Variants in RASSF7 observed in about 807,000 individuals in gnomAD.
RASSF7 encodes Ras association domain family member 7, also known as ras association domain-containing protein 7.
Under a neutral mutation model 33.8 loss-of-function variants are expected in RASSF7, and 41 were observed. The ratio of observed to expected loss-of-function variants is 1.21; its 90% CI spans 0.95 to 1.57. The LOEUF (loss-of-function observed/expected upper bound fraction) is 1.57, where lower values mean the gene tolerates loss of function less well. RASSF7 is among the 40% of genes most tolerant of loss of function. The pLI is 0.00. For missense variants in RASSF7, 622 were observed against 497.0 expected (o/e 1.25, Z -2.39); for synonymous variants, 298 against 212.8 (o/e 1.40, Z -3.48).
chr11:562,805 CT>C, intron 3 of RASSF7, 29 bp downstream of exon 3: 2 of 1,431,284 alleles, frequency 1.4e-6, no homozygotes, highest in Non-Finnish European at 9.2e-7. Context: ...TCCCCTGTCA[CT>C]CCCCCACCCC....
Position 562,110 on chromosome 11 carries a change from G to A in RASSF7, c.156G>A (p.Arg52=). Residue 52 remains arginine, a synonymous_variant, in exon 3 of 6, where the codon CGG becomes CGA. Transcript: ENST00000397583. ...CTGGCCGCTTTGTGCTTGTGCAGCG[G>A]CTTCGGGAGAAGGAGCGGCAGTTGC... The part of the protein sequence containing the change: ...GQTGRFVLVQ[R]LREKERQLLP... 6.5e-7 allele frequency: 1 copy of A among 1,535,058 alleles called. No homozygotes were observed. The highest frequency in any genetic ancestry group is 8.8e-7 in the Non-Finnish European group (1 of 1,140,818).
In RASSF7 at chr11:561,751, C is replaced by T. The variant is rs780076720; in HGVS notation, c.-7-11C>T. On this transcript the variant is annotated splice_polypyrimidine_tract_variant and intron_variant, in intron 1 of 5. Coordinates refer to ENST00000397583, the MANE Select transcript of RASSF7 (RefSeq NM_003475.4). ...GCAGGTCCTGACCCGGTGCCTGCGCCCTCCCCACAGGACAGGCATGTTGTT... is the reference window on the plus strand; with the variant it reads ...GCAGGTCCTGACCCGGTGCCTGCGCTCTCCCCACAGGACAGGCATGTTGTT... 9.3e-6 allele frequency: 15 copies of T among 1,613,064 alleles called. No individual in the cohort carries two copies. In the South Asian group the frequency reaches 9.9e-5, roughly 11 times the overall value.
chr11:561,565 G>A (rs1853306215), intron 1 of RASSF7, 88 bp downstream of exon 1: 2 of 1,401,368 alleles, frequency 1.4e-6, no homozygotes, highest in East Asian at 2.5e-5. Context: ...GGTGAAGTGG[G>A]GGAGGATGCG....
In RASSF7 at chr11:561,210, C is replaced by T. The variant is rs1268637158; in HGVS notation, c.-275C>T. 2 of 984,858 alleles carry T rather than the reference C, an allele frequency of 2.0e-6. No homozygotes were observed. The highest frequency in any genetic ancestry group is 2.4e-6 in the Non-Finnish European group (2 of 829,798). The allele number at this position is 984,858 out of a possible 1,614,324, so 61.0% of individuals were successfully genotyped here. A position where few individuals can be genotyped will look rare whatever the true frequency, so the allele number is the denominator to read the frequency against. On this transcript the variant is annotated 5_prime_UTR_variant, in exon 1 of 6. Coordinates refer to ENST00000397583, the MANE Select transcript of RASSF7 (RefSeq NM_003475.4). ...CCTGGCTCCCGCCAGGCTGGGGTCG[C>T]GGCGCGGGCTTCGGTGCCCGCGGCG...
intron 4 of RASSF7, 24 bp from the exon 5 acceptor site, chr11:563,372 C>T: frequency 1.2e-6 from 2 of 1,609,550 alleles, no homozygotes; most frequent in Non-Finnish European, 8.5e-7. Context: ...CAGCCCCACT[C>T]CAAGCTGACT....
Position 561,076 on chromosome 11 carries a change from G to T in RASSF7, c.-409G>T, listed in dbSNP as rs1201474262. 3.0e-6 allele frequency: 3 copies of T among 988,406 alleles called. No homozygotes were observed. In the African/African-American group the frequency reaches 5.2e-5, roughly 17 times the overall value. The allele number at this position is 988,406 out of a possible 1,614,324, so 61.2% of individuals were successfully genotyped here. A position where few individuals can be genotyped will look rare whatever the true frequency, so the allele number is the denominator to read the frequency against. The stretch of plus-strand genomic sequence containing the variant: ...CCCGGTACTTGGGAGCGCGGGGCGC[G>T]CCTCGAGCCGGCCGGACGCCGACTC... On this transcript the variant is annotated 5_prime_UTR_variant, in exon 1 of 6. Transcript: ENST00000397583.
chr11:563,954 A>G lies in RASSF7; in HGVS notation c.*309A>G, dbSNP rs1211482959. On this transcript the variant is annotated 3_prime_UTR_variant, in exon 6 of 6. Transcript: ENST00000397583. ...GAGAGGTCCTTCACTGTGTGTACACAGCAAGAGCATGTGTGTGCCACTTCC... is the reference window on the plus strand; with the variant it reads ...GAGAGGTCCTTCACTGTGTGTACACGGCAAGAGCATGTGTGTGCCACTTCC... 4.2e-6 allele frequency: 2 copies of G among 480,810 alleles called. No homozygotes were observed. The highest frequency in any genetic ancestry group is 3.8e-5 in the Admixed American group (1 of 26,330). 29.8% of individuals were successfully genotyped at this position (480,810 alleles called of 1,614,324 possible).
At position 562,344 on chromosome 11, in the gene RASSF7, C is replaced by T. The variant is rs754881187; in HGVS notation, c.390C>T (p.Pro130=). The change falls in exon 3 of 6, where the codon CCC becomes CCT. Residue 130 remains proline, a synonymous_variant. Coordinates refer to ENST00000397583, the MANE Select transcript of RASSF7 (RefSeq NM_003475.4). ...LGCEPRKTLT[P]EPAPSLSRPG... is the part of the protein sequence containing the mutation. The stretch of plus-strand genomic sequence containing the variant: ...GTGAGCCCCGCAAAACACTGACCCC[C>T]GAGCCAGCCCCCAGCCTCTCACGCC... The T allele has an allele frequency of 2.9e-5, 47 of 1,602,664 alleles. No individual in the cohort carries two copies. Among genetic ancestry groups the T allele is most frequent in the Non-Finnish European group, 4.0e-5 (47 of 1,176,278 alleles).
chr11:561,873 CGCA>C lies in RASSF7; in HGVS notation c.106_108del (p.Ala36del). On this transcript the variant is annotated inframe_deletion, in exon 2 of 6. Coordinates refer to ENST00000397583, the MANE Select transcript of RASSF7 (RefSeq NM_003475.4). ...AGACCACCTGCCAGGAAGTGGTCAT[CGCA>C]CTAGCCCAAGCAATAGGTGAGTCCT... 1 of 1,613,568 alleles carries C rather than the reference CGCA, an allele frequency of 6.2e-7. No individual in the cohort carries two copies. Among genetic ancestry groups the C allele is most frequent in the Non-Finnish European group, 8.5e-7 (1 of 1,180,000 alleles).
chr11:563,940 C>T lies in RASSF7; in HGVS notation c.*295C>T. On this transcript the variant is annotated 3_prime_UTR_variant, in exon 6 of 6. Coordinates refer to ENST00000397583, the MANE Select transcript of RASSF7 (RefSeq NM_003475.4). ...GTGCTTGCCTGCGGGAGAGGTCCTTCACTGTGTGTACACAGCAAGAGCATG... is the reference window on the plus strand; with the variant it reads ...GTGCTTGCCTGCGGGAGAGGTCCTTTACTGTGTGTACACAGCAAGAGCATG... 1.9e-6 allele frequency: 1 copy of T among 535,920 alleles called. No individual in the cohort carries two copies. The highest frequency in any genetic ancestry group is 3.3e-6 in the Non-Finnish European group (1 of 301,728). The allele number at this position is 535,920 out of a possible 1,614,324, so 33.2% of individuals were successfully genotyped here.
chr11:561,081 G>T lies in RASSF7; in HGVS notation c.-404G>T. On this transcript the variant is annotated 5_prime_UTR_variant, in exon 1 of 6. Transcript: ENST00000397583. ...TACTTGGGAGCGCGGGGCGCGCCTC[G>T]AGCCGGCCGGACGCCGACTCCAACT... 1.0e-6 allele frequency: 1 copy of T among 987,762 alleles called. No homozygotes were observed. Among genetic ancestry groups the T allele is most frequent in the Non-Finnish European group, 1.2e-6 (1 of 831,784 alleles). The allele number at this position is 987,762 out of a possible 1,614,324, so 61.2% of individuals were successfully genotyped here.
Position 561,288 on chromosome 11 carries a change from C to T in RASSF7, c.-197C>T, listed in dbSNP as rs2134116631. 1 of 986,248 alleles carries T rather than the reference C, an allele frequency of 1.0e-6. No individual in the cohort carries two copies. The highest frequency in any genetic ancestry group is 1.2e-6 in the Non-Finnish European group (1 of 830,402). The allele number at this position is 986,248 out of a possible 1,614,324, so 61.1% of individuals were successfully genotyped here. ...GCGATTAGGCGGCAGCGGCGGGGCT[C>T]CCCGGGCTGGCGGGGGCTGCTCAGA... On this transcript the variant is annotated 5_prime_UTR_variant, in exon 1 of 6. Transcript: ENST00000397583.
chr11:561,526 C>T lies in RASSF7; in HGVS notation c.-8+49C>T, dbSNP rs1589837617. The stretch of plus-strand genomic sequence containing the variant: ...ATCTGGTTAATGATTCGCCTTGTTC[C>T]GGGAGTGCGAGCGTGGCAAGAGGAA... On this transcript the variant is annotated intron_variant, in intron 1 of 5. Transcript: ENST00000397583. The T allele has an allele frequency of 1.3e-5, 18 of 1,408,950 alleles. No homozygotes were observed. In the Admixed American group the frequency reaches 1.4e-4, roughly 11 times the overall value. 87.3% of individuals were successfully genotyped at this position (1,408,950 alleles called of 1,614,324 possible). A position where few individuals can be genotyped will look rare whatever the true frequency, so the allele number is the denominator to read the frequency against.
Position 561,755 on chromosome 11 carries a change from C to G in RASSF7, c.-7-7C>G. On this transcript the variant is annotated splice_region_variant and splice_polypyrimidine_tract_variant and intron_variant, in intron 1 of 5. Coordinates refer to ENST00000397583, the MANE Select transcript of RASSF7 (RefSeq NM_003475.4). Reference sequence around the variant, plus strand: ...GTCCTGACCCGGTGCCTGCGCCCTCCCCACAGGACAGGCATGTTGTTGGGA... The same window carrying G: ...GTCCTGACCCGGTGCCTGCGCCCTCGCCACAGGACAGGCATGTTGTTGGGA... 2.5e-6 allele frequency: 4 copies of G among 1,613,290 alleles called. No individual in the cohort carries two copies. The highest frequency in any genetic ancestry group is 1.7e-6 in the Non-Finnish European group (2 of 1,179,984).
rs200876114 is a variant in RASSF7, at chr11:561,801, G to A, written c.33G>A (p.Lys11=). 1.5e-5 allele frequency: 24 copies of A among 1,613,284 alleles called. No individual in the cohort carries two copies. Among genetic ancestry groups the A allele is most frequent in the Non-Finnish European group, 1.9e-5 (23 of 1,180,024 alleles). MLLGLAAMEL[K]VWVDGIQRVV... ...TGGGACTGGCGGCCATGGAGCTGAAGGTGTGGGTGGATGGCATCCAGCGTG... is the reference window on the plus strand; with the variant it reads ...TGGGACTGGCGGCCATGGAGCTGAAAGTGTGGGTGGATGGCATCCAGCGTG... Residue 11 remains lysine, a synonymous_variant, in exon 2 of 6, where the codon AAG becomes AAA. Coordinates refer to ENST00000397583, the MANE Select transcript of RASSF7 (RefSeq NM_003475.4).
chr11:562,184 C>T lies in RASSF7; in HGVS notation c.230C>T (p.Ala77Val). 1 of 1,589,032 alleles carries T rather than the reference C, an allele frequency of 6.3e-7. No individual in the cohort carries two copies. The highest frequency in any genetic ancestry group is 8.6e-7 in the Non-Finnish European group (1 of 1,166,614). Residue 77 changes from alanine (A) to valine (V), a missense_variant, in exon 3 of 6, where the codon GCC becomes GTC. Ala to Val is a moderately conservative substitution (Grantham distance 64, BLOSUM62 0). Transcript: ENST00000397583. ...VGAQATCGQF[A>V]SDVQFVLRRT... is the part of the protein sequence containing the mutation. ...GCCCAGGCCACCTGCGGACAGTTTG[C>T]CAGCGATGTCCAGTTTGTCCTGAGG...
Position 563,332 on chromosome 11 carries a change from G to T in RASSF7, c.951+15G>T, listed in dbSNP as rs200731347. 3.9e-5 allele frequency: 63 copies of T among 1,606,704 alleles called. No individual in the cohort carries two copies. Among genetic ancestry groups the T allele is most frequent in the African/African-American group, 6.7e-5 (5 of 74,908 alleles). ...CTGGCACTCAGGTCGGAGTGGTTCT[G>T]GGGGGAGGCTGGGAGGTGAGGACCT... On this transcript the variant is annotated intron_variant, in intron 4 of 5. Coordinates refer to ENST00000397583, the MANE Select transcript of RASSF7 (RefSeq NM_003475.4).
Position 562,516 on chromosome 11 carries a change from G to A in RASSF7, c.562G>A (p.Glu188Lys), listed in dbSNP as rs754764623. 19 of 1,549,302 alleles carry A rather than the reference G, an allele frequency of 1.2e-5. No individual in the cohort carries two copies. The highest frequency in any genetic ancestry group is 2.4e-5 in the East Asian group (1 of 40,936). ...GCGCCGGGAGCAGGCCCGGGAGCGA[G>A]AGGGACAGGCACGCCTGCAGGCACT... is the stretch of plus-strand genomic sequence containing the variant. ...ELRREQARER[E>K]GQARLQALSA... Residue 188 changes from glutamate to lysine, a missense_variant, in exon 3 of 6, where the codon GAG (glutamate) becomes AAG (lysine). Physicochemically the swap from Glu to Lys is moderately conservative, Grantham distance 56 (BLOSUM62 1). Coordinates refer to ENST00000397583, the MANE Select transcript of RASSF7 (RefSeq NM_003475.4).
chr11:563,728 G>C lies in RASSF7; in HGVS notation c.*83G>C, dbSNP rs537871761. 7.5e-7 allele frequency: 1 copy of C among 1,328,128 alleles called. No individual in the cohort carries two copies. The highest frequency in any genetic ancestry group is 1.4e-5 in the African/African-American group (1 of 68,970). The allele number at this position is 1,328,128 out of a possible 1,614,324, so 82.3% of individuals were successfully genotyped here. On this transcript the variant is annotated 3_prime_UTR_variant, in exon 6 of 6. Transcript: ENST00000397583. Reference sequence around the variant, plus strand: ...TCACAGAGGGCTCCTCTGCCAGGCAGTGGGAAGCCCTGGGTTTGGCCTCAG... The same window carrying C: ...TCACAGAGGGCTCCTCTGCCAGGCACTGGGAAGCCCTGGGTTTGGCCTCAG...
Sources: allele counts gnomAD v4.1 joint callset, GRCh38; gene constraint gnomAD v4.1.1; transcripts MANE v1.5; gene names NCBI Gene and HGNC (gene_info 2026-07-23, HGNC 2026-07-21).